Variants in SEMA6D observed in about 807,000 individuals in gnomAD.
The protein encoded by SEMA6D is semaphorin 6D, also known as semaphorin-6D.
Under a neutral mutation model 106.6 loss-of-function variants are expected in SEMA6D, and 35 were observed. The ratio of observed to expected loss-of-function variants is 0.33; its 90% CI spans 0.25 to 0.44. The LOEUF (loss-of-function observed/expected upper bound fraction) is 0.44, where lower values mean the gene tolerates loss of function less well. Ranked by LOEUF, SEMA6D falls within the 20% of genes least tolerant of loss-of-function variation. The pLI is 1.00. For synonymous variants in SEMA6D, 499 were observed against 487.7 expected, an observed-to-expected ratio of 1.02 and a Z score of -0.31; for missense variants, 1,185 against 1,345.9, an observed-to-expected ratio of 0.88 and a Z score of 1.87.
At chr15:47,699,516 G>A (rs944045027) in intron 4 of SEMA6D, among the ~76,000 whole-genome samples, 1 of 152,144 alleles carries the variant, frequency 6.6e-6, no homozygotes, top group Non-Finnish European at 1.5e-5. Flanking sequence ...TTAGACATTT[G>A]TTGTTCTGTT....
At chr15:47,493,943 T>C (rs1266941125) in intron 3 of SEMA6D, among the ~76,000 whole-genome samples, 2 of 152,164 alleles carry the variant, frequency 1.3e-5, no homozygotes, top group Non-Finnish European at 2.9e-5. Context: ...AAATCTGCAG[T>C]GGACAATTCA....
At chr15:47,301,741 C>G (rs141903172) in intron 1 of SEMA6D, among the ~76,000 whole-genome samples, 3 of 152,158 alleles carry the variant, frequency 2.0e-5, no homozygotes, top group Non-Finnish European at 2.9e-5. Context: ...GGAAACGAGA[C>G]GGGCAGTGAC....
intron 1 of SEMA6D, among the ~76,000 whole-genome samples, chr15:47,734,480 C>T (rs2080332246): frequency 6.6e-6 from 1 of 152,078 alleles, no homozygotes; most frequent in African/African-American, 2.4e-5. Flanking sequence ...TACACAGGGC[C>T]CTGCAAATCA....
chr15:47,186,574 T>C (rs1386552816), intron 1 of SEMA6D, among the ~76,000 whole-genome samples: 1 of 152,180 alleles, frequency 6.6e-6, no homozygotes, highest in Non-Finnish European at 1.5e-5. Flanking sequence ...AACTCTATTA[T>C]TTTACATTTT....
At chr15:47,605,626 C>G (rs1354820324) in intron 4 of SEMA6D, among the ~76,000 whole-genome samples, 1 of 152,146 alleles carries the variant, frequency 6.6e-6, no homozygotes, top group East Asian at 1.9e-4. Context: ...CAACCACATC[C>G]CCGATCCCCA....
At chr15:47,366,086 A>C (rs1435917767) in intron 1 of SEMA6D, among the ~76,000 whole-genome samples, 1 of 152,232 alleles carries the variant, frequency 6.6e-6, no homozygotes, top group African/African-American at 2.4e-5. Context: ...GTTTTATTCA[A>C]ACTGGGACAA....
chr15:47,508,831 A>T (rs920178091), intron 3 of SEMA6D, among the ~76,000 whole-genome samples: 2 of 152,204 alleles, frequency 1.3e-5, no homozygotes, highest in Non-Finnish European at 2.9e-5. Context: ...TTCTTGACTT[A>T]TCTATGTCTT....
chr15:47,216,908 T>A (rs2030671081), intron 1 of SEMA6D, among the ~76,000 whole-genome samples: 1 of 152,178 alleles, frequency 6.6e-6, no homozygotes, highest in African/African-American at 2.4e-5. Context: ...ATGATCTGAA[T>A]ATTTGTGTCC....
chr15:47,358,114 T>TC (rs1365717024), intron 1 of SEMA6D, among the ~76,000 whole-genome samples: 3 of 152,212 alleles, frequency 2.0e-5, no homozygotes, highest in African/African-American at 7.2e-5. Context: ...TCTGAGTTTT[T>TC]CCTAAGGCAG....
chr15:47,524,400 G>A (rs2044686071), intron 3 of SEMA6D, among the ~76,000 whole-genome samples: 1 of 152,258 alleles, frequency 6.6e-6, no homozygotes, highest in Middle Eastern at 3.4e-3. Flanking sequence ...TGAGGCTGCT[G>A]ATTGAAACTT....
chr15:47,185,117 G>A (rs2140872476), intron 1 of SEMA6D, among the ~76,000 whole-genome samples: 1 of 152,268 alleles, frequency 6.6e-6, no homozygotes, highest in African/African-American at 2.4e-5. Context: ...CTCATTGTTC[G>A]CGGTGACTGT....
At chr15:47,512,640 T>G (rs2044266184) in intron 3 of SEMA6D, among the ~76,000 whole-genome samples, 1 of 152,260 alleles carries the variant, frequency 6.6e-6, no homozygotes, top group East Asian at 1.9e-4. Context: ...AGGCCTAGAA[T>G]CCTGGACAGG....
At chr15:47,353,770 A>C (rs1054927088) in intron 1 of SEMA6D, among the ~76,000 whole-genome samples, 3 of 152,156 alleles carry the variant, frequency 2.0e-5, no homozygotes, top group Non-Finnish European at 4.4e-5. Flanking sequence ...AGAAAGAATG[A>C]ATGCACTGTC....
chr15:47,312,673 C>G (rs1055601119), intron 1 of SEMA6D, among the ~76,000 whole-genome samples: 48 of 152,138 alleles, frequency 3.2e-4, no homozygotes, highest in African/African-American at 1.1e-3. Flanking sequence ...TTTAACTTCT[C>G]TAATATCTAT....
intron 3 of SEMA6D, among the ~76,000 whole-genome samples, chr15:47,490,025 GT>G (rs1329179611): frequency 1.3e-5 from 2 of 152,114 alleles, no homozygotes; most frequent in Non-Finnish European, 2.9e-5. Flanking sequence ...TCTTGCAGTT[GT>G]TAAGTAGTAG....
intron 1 of SEMA6D, among the ~76,000 whole-genome samples, chr15:47,263,423 T>G (rs562146032): frequency 6.6e-6 from 1 of 152,142 alleles, no homozygotes; most frequent in South Asian, 2.1e-4. Flanking sequence ...AAGGTATACA[T>G]GAGGCCAACA....
At chr15:47,732,669 A>C (rs1023263173) in intron 1 of SEMA6D, among the ~76,000 whole-genome samples, 4 of 152,228 alleles carry the variant, frequency 2.6e-5, no homozygotes, top group Non-Finnish European at 1.5e-5. Context: ...CATAGTGTAC[A>C]TTAAACACAT....
intron 1 of SEMA6D, chr15:47,274,405 G>A (rs1202625897): frequency 6.6e-6 from 1 of 152,106 alleles, no homozygotes; most frequent in Non-Finnish European, 1.5e-5. Context: ...TGGTTCACTT[G>A]CTGTAATATT....
rs555772552 is a variant in SEMA6D, at chr15:47,496,571, C to A, written c.-87+26026C>A. 1.2e-4 allele frequency among the ~76,000 whole-genome samples: 18 copies of A among 152,136 alleles called. No individual in the cohort carries two copies. The South Asian group carries it at 3.5e-3, about 30-fold the overall frequency. On this transcript the variant is annotated intron_variant, in intron 3 of 19. Coordinates refer to the SEMA6D transcript ENST00000558014. ...TACCAATGACTCAGTCACCTTTGATCTCATCATCATTAAAATGGCCCTAAT... is the reference window on the plus strand; with the variant it reads ...TACCAATGACTCAGTCACCTTTGATATCATCATCATTAAAATGGCCCTAAT...
Sources: gnomAD v4.1 joint callset for allele counts (sites outside exome capture counted in the v4.1 genomes callset) on GRCh38, gnomAD v4.1.1 for gene constraint, MANE v1.5 for transcripts, NCBI Gene and HGNC (gene_info 2026-07-23, HGNC 2026-07-21) for gene names.